Variants in TSPEAR observed in about 807,000 individuals in gnomAD.
TSPEAR encodes the protein thrombospondin-type laminin G domain and EAR repeat-containing protein.
In TSPEAR, 69 loss-of-function variants were observed where a neutral mutation model predicts 71.6. The observed-to-expected ratio is 0.96, with a 90% CI of 0.79 to 1.18. The LOEUF is 1.18. Among genes scored for constraint, TSPEAR ranks in the 50% most tolerant of loss-of-function variants. The pLI is 0.00. For synonymous variants in TSPEAR, 402 were observed against 387.2 expected (o/e 1.04, Z -0.45); for missense variants, 971 against 894.9 (o/e 1.09, Z -1.09).
intron 1 of TSPEAR, chr21:44,682,232 C>T (rs555805865): frequency 4.7e-6 from 6 of 1,265,856 alleles, no homozygotes; most frequent in East Asian, 2.5e-5. Context: ...CACAGAAGCA[C>T]ACACCTGTTG....
chr21:44,654,108 G>A (rs757775121), intron 1 of TSPEAR: 148 of 625,520 alleles, frequency 2.4e-4, no homozygotes, highest in Non-Finnish European at 1.8e-4. Context: ...GTAGAAAGGC[G>A]CATGGCCTCA....
At chr21:44,511,670 G>A (rs1028823101) in intron 9 of TSPEAR, among the ~76,000 whole-genome samples, 7 of 152,216 alleles carry the variant, frequency 4.6e-5, no homozygotes, top group Admixed American at 1.3e-4. Context: ...GAGGACACAC[G>A]CCTCCAGCCC....
chr21:44,675,236 T>C (rs1986254780), intron 1 of TSPEAR, among the ~76,000 whole-genome samples: 1 of 152,106 alleles, frequency 6.6e-6, no homozygotes, highest in South Asian at 2.1e-4. Flanking sequence ...CATGATCAAG[T>C]GGAAATTATC....
intron 1 of TSPEAR, among the ~76,000 whole-genome samples, chr21:44,685,543 G>A (rs1429255386): frequency 6.6e-6 from 1 of 152,146 alleles, no homozygotes; most frequent in Non-Finnish European, 1.5e-5. Context: ...CGTCTGCAGA[G>A]GAGGTGTCCT....
intron 1 of TSPEAR, chr21:44,637,614 A>C: frequency 6.2e-7 from 1 of 1,613,884 alleles, no homozygotes; most frequent in Non-Finnish European, 8.5e-7. Context: ...CAATCAGGCT[A>C]CACCAGCTCC....
In TSPEAR at chr21:44,622,632, G is replaced by A. The variant is rs148957423; in HGVS notation, c.83-54627C>T. ...ATCTTTGCCTTGGCTGTCATACGCC[G>A]TCTTCCCTTTGTGTGTGTGTTTGAA... On this transcript the variant is annotated intron_variant, in intron 1 of 11. Coordinates refer to ENST00000323084, the MANE Select transcript of TSPEAR (RefSeq NM_144991.3). 2.2e-3 allele frequency among the ~76,000 whole-genome samples: 329 copies of A among 152,282 alleles called. 1 individual carries two copies. The highest frequency in any genetic ancestry group is 0.01 in the Middle Eastern group (3 of 294).
intron 1 of TSPEAR, among the ~76,000 whole-genome samples, chr21:44,696,309 G>A (rs1224516013): frequency 2.0e-5 from 3 of 152,164 alleles, no homozygotes; most frequent in African/African-American, 7.2e-5. Flanking sequence ...GATTTCCCAT[G>A]TCCCTTGCTC....
At position 44,515,605 on chromosome 21, in the gene TSPEAR, G is replaced by A. The variant is rs1348568106; in HGVS notation, c.1567-6219C>T. ...CCTTTGCTGCTGGCCCCCTTCTGAG[G>A]ATGCCCGTGCATCTCCAGGACCACT... On this transcript the variant is annotated intron_variant, in intron 9 of 11. Coordinates refer to ENST00000323084, the MANE Select transcript of TSPEAR (RefSeq NM_144991.3). 5 of 152,328 alleles carry A rather than the reference G, an allele frequency of 3.3e-5. No homozygotes were observed. In the East Asian group the frequency reaches 7.7e-4, roughly 23 times the overall value. The allele number at this position is 152,328 out of a possible 1,614,324, so 9.4% of individuals were successfully genotyped here.
rs1041490732 is a variant in TSPEAR, at chr21:44,612,242, G to A, written c.83-44237C>T. On this transcript the variant is annotated intron_variant, in intron 1 of 11. Transcript: ENST00000323084. The surrounding 1 kb of genome is among the most constrained non-coding windows in gnomAD (Gnocchi z 4.1). ...CTCCTGGCAGGTGGACAATTGCCAG[G>A]AAAGCTGCTGCGAGCCCCGCTCCTG... 3 of 1,613,668 alleles carry A rather than the reference G, an allele frequency of 1.9e-6. No individual in the cohort carries two copies. Among genetic ancestry groups the A allele is most frequent in the Non-Finnish European group, 1.7e-6 (2 of 1,179,996 alleles).
At chr21:44,556,799 C>T (rs797036133) in intron 2 of TSPEAR, among the ~76,000 whole-genome samples, 139 of 152,308 alleles carry the variant, frequency 9.1e-4, no homozygotes, top group Non-Finnish European at 3.5e-4. Context: ...GAAGAATCTT[C>T]CTAGTTGCAA....
chr21:44,556,212 C>A (rs1247586009), intron 2 of TSPEAR, among the ~76,000 whole-genome samples: 1 of 151,500 alleles, frequency 6.6e-6, no homozygotes, highest in African/African-American at 2.4e-5. Flanking sequence ...CCAGTCTCTA[C>A]TAAAAATACA....
intron 10 of TSPEAR, among the ~76,000 whole-genome samples, 194 bp from the exon 11 acceptor site, chr21:44,505,075 AATTTT>A (rs1290987867): frequency 7.2e-5 from 11 of 152,122 alleles, no homozygotes; most frequent in African/African-American, 1.9e-4. Flanking sequence ...AAAAATTTCA[AATTTT>A]ATTTTATTTT....
chr21:44,706,653 G>A (rs1474360296), intron 1 of TSPEAR, among the ~76,000 whole-genome samples: 1 of 152,212 alleles, frequency 6.6e-6, no homozygotes, highest in Non-Finnish European at 1.5e-5. Context: ...GTCGGGGATC[G>A]AGCAGCTCCG....
intron 1 of TSPEAR, among the ~76,000 whole-genome samples, chr21:44,588,284 A>G (rs746642297): frequency 6.6e-6 from 1 of 152,258 alleles, no homozygotes; most frequent in African/African-American, 2.4e-5. Flanking sequence ...AATGCTTAAC[A>G]TCACTAATGA....
chr21:44,524,181 A>G (rs924685889), intron 8 of TSPEAR, among the ~76,000 whole-genome samples: 2 of 151,532 alleles, frequency 1.3e-5, no homozygotes, highest in Non-Finnish European at 2.9e-5. Flanking sequence ...TCAGTCAGTC[A>G]GACAGTCAGG....
rs1391611388 is a variant in TSPEAR at position 44,530,971 on chromosome 21, A to C, written c.633+72T>G. ...CGTCCAAGGATCTGTCAACTAGAGCAGTAGGACAACTGGCCTGGGGCAGTC... is the reference window on the plus strand; with the variant it reads ...CGTCCAAGGATCTGTCAACTAGAGCCGTAGGACAACTGGCCTGGGGCAGTC... On this transcript the variant is annotated intron_variant, in intron 4 of 11. Transcript: ENST00000323084. 5.1e-6 allele frequency: 6 copies of C among 1,180,240 alleles called. 1 individual carries two copies. The highest frequency in any genetic ancestry group is 7.6e-6 in the Non-Finnish European group (6 of 790,936). 73.1% of individuals were successfully genotyped at this position (1,180,240 alleles called of 1,614,324 possible).
At chr21:44,666,833 G>T in intron 1 of TSPEAR, 1 of 1,609,552 alleles carries the variant, frequency 6.2e-7, no homozygotes, top group South Asian at 1.1e-5. Flanking sequence ...GCTGGCAGGG[G>T]CTGGGCGCGC....
rs782315930 is a variant in TSPEAR at position 44,525,722 on chromosome 21, T to G, written c.1267A>C (p.Ser423Arg). 6.2e-7 allele frequency: 1 copy of G among 1,614,196 alleles called. No homozygotes were observed. Among genetic ancestry groups the G allele is most frequent in the Non-Finnish European group, 8.5e-7 (1 of 1,180,036 alleles). The stretch of plus-strand genomic sequence containing the variant: ...TCGAAGGCCTCCCAGTCTCGGGCGC[T>G]GTGTGTGGCAATGCTCTGATATGGG... Reference protein sequence around the residue: ...FTPYQSIATHSARDWEAFEVD... With the variant: ...FTPYQSIATHRARDWEAFEVD... Residue 423 changes from serine to arginine, a missense_variant, in exon 8 of 12, where the codon AGC (serine) becomes CGC (arginine). By Grantham distance (110) the Ser-to-Arg change is moderately radical. Transcript: ENST00000323084.
intron 1 of TSPEAR, chr21:44,579,700 A>G (rs1569198507): frequency 1.9e-6 from 3 of 1,564,196 alleles, no homozygotes; most frequent in East Asian, 2.2e-5. Context: ...AACCCGAGTC[A>G]GGACCAGTTG....
Sources: allele counts gnomAD v4.1 joint callset (sites outside exome capture counted in the v4.1 genomes callset), GRCh38; gene constraint gnomAD v4.1.1; non-coding constraint Gnocchi (gnomAD v3.1); transcripts MANE v1.5; gene names NCBI Gene and HGNC (gene_info 2026-07-23, HGNC 2026-07-21).